Variants in MAF observed in about 807,000 individuals in gnomAD.
The protein encoded by MAF is MAF bZIP transcription factor.
MAF carries 10 observed loss-of-function variants against 22.0 expected under a neutral mutation model. The observed-to-expected ratio is 0.45, with a 90% CI of 0.28 to 0.77. The LOEUF is 0.77. Ranked by LOEUF, MAF falls within the 30% of genes least tolerant of loss-of-function variation. The probability of loss-of-function intolerance (pLI) is 0.12; values close to 1 mark genes in which losing one functional copy is unlikely to be tolerated. For synonymous variants in MAF, 337 were observed against 255.8 expected, an observed-to-expected ratio of 1.32 and a Z score of -3.03; for missense variants, 544 against 548.4, an observed-to-expected ratio of 0.99 and a Z score of 0.08.
chr16:79,596,743 A>G, intron 1 of MAF: 1 of 1,045,190 alleles, frequency 9.6e-7, no homozygotes, highest in South Asian at 4.6e-5. Flanking sequence ...TGCCTTTAAA[A>G]CTGTGGATTT....
the MAF span, among the ~76,000 whole-genome samples, chr16:79,543,757 G>A: frequency 1.3e-5 from 2 of 150,792 alleles, no homozygotes; most frequent in South Asian, 2.1e-4. Flanking sequence ...TGCAATCTCG[G>A]CTCACTGCAA....
chr16:79,240,613 G>A, the MAF span, among the ~76,000 whole-genome samples: 19 of 150,384 alleles, frequency 1.3e-4, 2 homozygotes, highest in Admixed American at 2.0e-4. Flanking sequence ...GGCTGTGGGC[G>A]CAGCTTCAGC....
the MAF span, among the ~76,000 whole-genome samples, chr16:79,507,048 T>C: frequency 6.6e-6 from 1 of 152,008 alleles, no homozygotes; most frequent in Non-Finnish European, 1.5e-5. Context: ...TCTGTCAACC[T>C]CTGCTGTTTG....
the MAF span, among the ~76,000 whole-genome samples, chr16:79,408,223 CTGGAGTGCAG>C: frequency 6.6e-6 from 1 of 152,078 alleles, no homozygotes; most frequent in Non-Finnish European, 1.5e-5. Context: ...GTCACCCAAG[CTGGAGTGCAG>C]TGATGGGATC....
chr16:79,467,135 C>T, the MAF span, among the ~76,000 whole-genome samples: 1 of 152,214 alleles, frequency 6.6e-6, no homozygotes, highest in South Asian at 2.1e-4. Context: ...CTGATCAAAC[C>T]CCTTACAGTG....
chr16:79,369,578 G>A, the MAF span, among the ~76,000 whole-genome samples: 2 of 152,090 alleles, frequency 1.3e-5, no homozygotes, highest in Non-Finnish European at 2.9e-5. Flanking sequence ...TATTTTTCCT[G>A]CCACAGCCTC....
chr16:79,282,769 G>T, the MAF span, among the ~76,000 whole-genome samples: 1 of 152,124 alleles, frequency 6.6e-6, no homozygotes, highest in Non-Finnish European at 1.5e-5. Flanking sequence ...TCATCTGGGG[G>T]TTTAATATTC....
At chr16:79,452,042 G>C in the MAF span, among the ~76,000 whole-genome samples, 3 of 152,144 alleles carry the variant, frequency 2.0e-5, no homozygotes, top group Admixed American at 6.5e-5. Context: ...TGTAAATAAA[G>C]TTTTATTGGA....
chr16:79,496,292 T>G, the MAF span, among the ~76,000 whole-genome samples: 3 of 152,060 alleles, frequency 2.0e-5, no homozygotes, highest in Non-Finnish European at 2.9e-5. Context: ...TGGAAAAGGG[T>G]CATTTCGGAA....
the MAF span, among the ~76,000 whole-genome samples, chr16:79,441,831 C>T: frequency 6.6e-6 from 1 of 152,316 alleles, no homozygotes; most frequent in South Asian, 2.1e-4. Context: ...AGAGCCTTCA[C>T]ATGTGTAATT....
At chr16:79,450,147 C>G in the MAF span, among the ~76,000 whole-genome samples, 1 of 152,210 alleles carries the variant, frequency 6.6e-6, no homozygotes, top group Non-Finnish European at 1.5e-5. Context: ...ATCGTGTCAT[C>G]TCACAGAGTT....
At chr16:79,355,252 T>C in the MAF span, among the ~76,000 whole-genome samples, 2 of 152,188 alleles carry the variant, frequency 1.3e-5, no homozygotes, top group African/African-American at 4.8e-5. Context: ...ATTCTTAAAA[T>C]AGAGTCTTAT....
the MAF span, among the ~76,000 whole-genome samples, chr16:79,344,057 C>G: frequency 6.6e-6 from 1 of 152,216 alleles, no homozygotes; most frequent in Non-Finnish European, 1.5e-5. Context: ...ACTCTGTGAG[C>G]ATGACCTTGA....
At chr16:79,527,968 C>A in the MAF span, among the ~76,000 whole-genome samples, 1 of 152,022 alleles carries the variant, frequency 6.6e-6, no homozygotes, top group African/African-American at 2.4e-5. Context: ...ATGGCAAAAC[C>A]CCATCTCTAC....
chr16:79,249,225 G>T, the MAF span, among the ~76,000 whole-genome samples: 2 of 152,102 alleles, frequency 1.3e-5, no homozygotes, highest in Admixed American at 1.3e-4. Context: ...TTCGAGACCA[G>T]CCTGACCAAC....
At chr16:79,584,085 A>G (rs1912693967), downstream of MAF, among the ~76,000 whole-genome samples, 1 of 152,202 alleles carries the variant, frequency 6.6e-6, no homozygotes, top group African/African-American at 2.4e-5. Context: ...CAAGAACCAT[A>G]ATATAATCTA....
At chr16:79,407,987 GA>G in the MAF span, among the ~76,000 whole-genome samples, 22 of 146,194 alleles carry the variant, frequency 1.5e-4, no homozygotes, top group African/African-American at 5.3e-4. Context: ...TTCTCAGAGG[GA>G]GATCGACCCT....
At chr16:79,407,807 C>T in the MAF span, among the ~76,000 whole-genome samples, 3 of 152,076 alleles carry the variant, frequency 2.0e-5, no homozygotes, top group African/African-American at 7.2e-5. Flanking sequence ...CCCACGAAGC[C>T]AGGTTGCTCG....
chr16:79,399,705 G>C, the MAF span, among the ~76,000 whole-genome samples: 1 of 152,100 alleles, frequency 6.6e-6, no homozygotes, highest in Non-Finnish European at 1.5e-5. Context: ...CGAGATCAAG[G>C]CATCAATAAC....
Sources: gnomAD v4.1 joint callset for allele counts (sites outside exome capture counted in the v4.1 genomes callset) on GRCh38, gnomAD v4.1.1 for gene constraint, MANE v1.5 for transcripts, NCBI Gene and HGNC (gene_info 2026-07-23, HGNC 2026-07-21) for gene names.